Variants in CARMIL1 observed in about 807,000 individuals in gnomAD.
The protein encoded by CARMIL1 is capping protein regulator and myosin 1 linker 1.
A neutral mutation model predicts 177.1 loss-of-function variants in CARMIL1; 90 were observed. The ratio of observed to expected loss-of-function variants is 0.51; its 90% CI spans 0.43 to 0.61. The LOEUF is 0.61. CARMIL1 is among the 20% of genes least tolerant of loss of function. CARMIL1 has a pLI of 0.00. For synonymous variants in CARMIL1, 577 were observed against 606.2 expected (o/e 0.95, Z 0.71); for missense variants, 1,380 against 1,667.0 (o/e 0.83, Z 3.00).
At chr6:25,333,818 C>T (rs957644506) in intron 2 of CARMIL1, among the ~76,000 whole-genome samples, 2 of 152,130 alleles carry the variant, frequency 1.3e-5, no homozygotes, top group Non-Finnish European at 2.9e-5. Flanking sequence ...ACTGTCATTA[C>T]TTCCTGATGT....
chr6:25,434,593 G>A (rs890939588), intron 4 of CARMIL1, among the ~76,000 whole-genome samples: 1 of 146,808 alleles, frequency 6.8e-6, no homozygotes, highest in East Asian at 2.0e-4. Context: ...GCACGATCTC[G>A]GCTCCCTGCA....
chr6:25,416,018 T>C (rs765246774), intron 2 of CARMIL1, among the ~76,000 whole-genome samples: 12 of 151,654 alleles, frequency 7.9e-5, no homozygotes, highest in South Asian at 4.2e-4. Flanking sequence ...GAGGCACAGA[T>C]AGACTGAGAG....
At chr6:25,411,666 TCCATTTCTACA>T (rs1347971461) in intron 2 of CARMIL1, among the ~76,000 whole-genome samples, 1 of 152,196 alleles carries the variant, frequency 6.6e-6, no homozygotes, top group Non-Finnish European at 1.5e-5. Flanking sequence ...ATGTAAACAT[TCCATTTCTACA>T]TAATGTGAAA....
intron 2 of CARMIL1, among the ~76,000 whole-genome samples, chr6:25,308,294 A>G (rs6903148): frequency 0.21 from 31,419 of 151,920 alleles, 4,188 homozygotes; most frequent in East Asian, 0.4. Flanking sequence ...GTTTCCAACA[A>G]CACCCCTTTG....
rs920571565 is a variant in CARMIL1 at position 25,321,906 on chromosome 6, C to T, written c.138+36997C>T. 2.6e-5 allele frequency among the ~76,000 whole-genome samples: 4 copies of T among 152,198 alleles called. No homozygotes were observed. In the South Asian group the frequency reaches 8.3e-4, roughly 32 times the overall value. Reference sequence around the variant, plus strand: ...ATCTCCTGACCTCATGATCCGCCTGCCTTGGCCTCCCAAAGTGCTGGGATT... The same window carrying T: ...ATCTCCTGACCTCATGATCCGCCTGTCTTGGCCTCCCAAAGTGCTGGGATT... On this transcript the variant is annotated intron_variant, in intron 2 of 36. Transcript: ENST00000329474.
chr6:25,319,163 A>G (rs903032047), intron 2 of CARMIL1, among the ~76,000 whole-genome samples: 14 of 152,230 alleles, frequency 9.2e-5, no homozygotes, highest in Non-Finnish European at 2.1e-4. Context: ...TCCTTAGCTT[A>G]CATGTCGAGT....
At chr6:25,413,216 G>T (rs1221973140) in intron 2 of CARMIL1, among the ~76,000 whole-genome samples, 1 of 152,212 alleles carries the variant, frequency 6.6e-6, no homozygotes, top group Non-Finnish European at 1.5e-5. Flanking sequence ...TTTGGAAGGG[G>T]AAAGTATTAA....
At chr6:25,389,998 A>G (rs1792589039) in intron 2 of CARMIL1, among the ~76,000 whole-genome samples, 1 of 151,856 alleles carries the variant, frequency 6.6e-6, no homozygotes, top group African/African-American at 2.4e-5. Context: ...TAAAAAAACA[A>G]ACAGATTTTA....
intron 2 of CARMIL1, among the ~76,000 whole-genome samples, chr6:25,336,165 C>G (rs1347852388): frequency 1.3e-5 from 2 of 151,970 alleles, no homozygotes; most frequent in African/African-American, 4.8e-5. Flanking sequence ...CTGTTTTCTG[C>G]CCCCTGTCTC....
intron 22 of CARMIL1, among the ~76,000 whole-genome samples, chr6:25,519,611 A>G (rs1806345168): frequency 6.6e-6 from 1 of 152,116 alleles, no homozygotes; most frequent in African/African-American, 2.4e-5. Context: ...TAGCTCTTGA[A>G]CTCAAGCTGA....
intron 31 of CARMIL1, among the ~76,000 whole-genome samples, chr6:25,591,073 C>T (rs1814253932): frequency 6.6e-6 from 1 of 152,150 alleles, no homozygotes; most frequent in African/African-American, 2.4e-5. Context: ...ATTAGCACTC[C>T]TTGGTATATC....
chr6:25,432,023 A>G (rs776504610), intron 4 of CARMIL1, among the ~76,000 whole-genome samples: 3 of 152,202 alleles, frequency 2.0e-5, no homozygotes, highest in South Asian at 2.1e-4. Context: ...TTAAAAATAT[A>G]CTTTCAGCAG....
intron 2 of CARMIL1, among the ~76,000 whole-genome samples, chr6:25,292,957 T>G (rs1293262762): frequency 6.6e-6 from 1 of 152,164 alleles, no homozygotes; most frequent in African/African-American, 2.4e-5. Context: ...AAGACTTTAG[T>G]AAAAGGTTAC....
intron 4 of CARMIL1, chr6:25,432,999 A>C (rs1796946011): frequency 6.6e-6 from 1 of 152,176 alleles, no homozygotes; most frequent in Non-Finnish European, 1.5e-5. Flanking sequence ...TCCCCAGCTG[A>C]AGTGGGAGGG....
rs1269142354 is a variant in CARMIL1, at chr6:25,451,962, A to G, written c.614+1251A>G. 13 of 427,866 alleles carry G rather than the reference A, an allele frequency of 3.0e-5. 1 individual carries two copies. The highest frequency in any genetic ancestry group is 1.5e-4 in the African/African-American group (7 of 46,214). The allele number at this position is 427,866 out of a possible 1,614,324, so 26.5% of individuals were successfully genotyped here. On this transcript the variant is annotated intron_variant, in intron 8 of 36. Coordinates refer to ENST00000329474, the MANE Select transcript of CARMIL1 (RefSeq NM_017640.6). ...GTCACAGAGGATTGTTGTTGCCCAT[A>G]TGTCATCTCATCACTAGCATCTTGC...
rs1170783286 is a variant in CARMIL1 at position 25,537,994 on chromosome 6, C to T, written c.2196+11C>T. The T allele has an allele frequency of 1.3e-6, 2 of 1,593,692 alleles. No homozygotes were observed. The highest frequency in any genetic ancestry group is 1.7e-6 in the Non-Finnish European group (2 of 1,170,532). ...AAGAACTCTAAAACGGTGAGTTTCA[C>T]TTCAGGCTGTGTGAGAGTCTGGTAT... On this transcript the variant is annotated intron_variant, in intron 25 of 36. Transcript: ENST00000329474.
At chr6:25,397,548 G>A (rs1793523807) in intron 2 of CARMIL1, among the ~76,000 whole-genome samples, 1 of 152,176 alleles carries the variant, frequency 6.6e-6, no homozygotes, top group Non-Finnish European at 1.5e-5. Flanking sequence ...AACAAAGGGT[G>A]TTTTTACATG....
intron 36 of CARMIL1, among the ~76,000 whole-genome samples, chr6:25,615,157 A>G (rs1816796845): frequency 6.6e-6 from 1 of 152,274 alleles, no homozygotes; most frequent in Admixed American, 6.5e-5. Flanking sequence ...GGTTAAAAAA[A>G]TAACATTTAG....
rs990871372 is a variant in CARMIL1 at position 25,414,454 on chromosome 6, G to A, written c.139-5660G>A. Among the ~76,000 whole-genome samples the A allele has an allele frequency of 1.1e-4, 17 of 152,126 alleles. 1 individual carries two copies. The South Asian group carries it at 2.3e-3, about 20-fold the overall frequency. ...AAACCCTTTTTGGTAAGTCACAGAG[G>A]ATGTGTCCTGTGCAACTGCCCCTGA... On this transcript the variant is annotated intron_variant, in intron 2 of 36. Transcript: ENST00000329474.
Sources: allele counts gnomAD v4.1 joint callset (sites outside exome capture counted in the v4.1 genomes callset), GRCh38; gene constraint gnomAD v4.1.1; transcripts MANE v1.5; gene names NCBI Gene and HGNC (gene_info 2026-07-23, HGNC 2026-07-21).